Variants in ZNF226 observed in about 807,000 individuals in gnomAD.
The protein encoded by ZNF226 is Kruppel-associated box protein.
ZNF226 carries 6 observed loss-of-function variants against 11.4 expected under a neutral mutation model. The observed-to-expected ratio is 0.53, with a 90% confidence interval of 0.29 to 1.04. The LOEUF (loss-of-function observed/expected upper bound fraction) is 1.04, where lower values mean the gene tolerates loss of function less well. Ranked by LOEUF, ZNF226 falls within the 50% of genes least tolerant of loss-of-function variation. The pLI is 0.08. For synonymous variants in ZNF226, 350 were observed against 322.8 expected, an observed-to-expected ratio of 1.08 and a Z score of -0.90; for missense variants, 1,058 against 956.5, an observed-to-expected ratio of 1.11 and a Z score of -1.40.
downstream of ZNF226, chr19:44,177,854 G>C (rs965323182): frequency 2.1e-5 from 15 of 704,238 alleles, no homozygotes; most frequent in Non-Finnish European, 3.0e-5. Context: ...CTTAGAAGAG[G>C]GGTGTTAAGA....
chr19:44,186,708 T>C, the ZNF226 span, among the ~76,000 whole-genome samples: 11 of 152,042 alleles, frequency 7.2e-5, no homozygotes, highest in African/African-American at 2.7e-4. Flanking sequence ...GGCTAGAATA[T>C]CCAGTACTAT....
intron 3 of ZNF226, among the ~76,000 whole-genome samples, chr19:44,171,554 C>T (rs1031020476): frequency 3.9e-5 from 6 of 152,102 alleles, no homozygotes; most frequent in Non-Finnish European, 1.5e-5. Context: ...TTTGTTTTGT[C>T]TCCATTTTAA....
At position 44,176,056 on chromosome 19, in the gene ZNF226, C is replaced by T. The variant is rs1599736007; in HGVS notation, c.794C>T (p.Ser265Phe). 2 of 1,614,088 alleles carry T rather than the reference C, an allele frequency of 1.2e-6. No homozygotes were observed. Among genetic ancestry groups the T allele is most frequent in the Middle Eastern group, 1.6e-4 (1 of 6,062 alleles). Reference sequence around the variant, plus strand: ...TGTAAAAAACCCTTCAGTGATCTCTCCAGCTTTGATCTTCATCAGCAGTTA... The same window carrying T: ...TGTAAAAAACCCTTCAGTGATCTCTTCAGCTTTGATCTTCATCAGCAGTTA... ...NECKKPFSDLSSFDLHQQLQS... is the reference protein window; with the variant it reads ...NECKKPFSDLFSFDLHQQLQS... The change falls in exon 6 of 6, where the codon TCC (serine) becomes TTC (phenylalanine). Residue 265 changes from serine to phenylalanine, a missense_variant. Ser to Phe is a radical substitution (Grantham distance 155). Transcript: ENST00000337433.
Position 44,177,000 on chromosome 19 carries a change from A to G in ZNF226, c.1738A>G (p.Ile580Val), listed in dbSNP as rs746299849. The G allele has an allele frequency of 6.8e-6, 11 of 1,613,760 alleles. No individual in the cohort carries two copies. The East Asian group carries it at 1.6e-4, about 23-fold the overall frequency. ...QSSRLQIHQL[I>V]HTGEKPYKCE... The stretch of plus-strand genomic sequence containing the variant: ...CTCACGACTTCAGATTCACCAGCTG[A>G]TCCATACGGGTGAGAAACCATACAA... Residue 580 changes from isoleucine (I) to valine (V), a missense_variant, in exon 6 of 6, where the codon ATC (isoleucine) becomes GTC (valine). Coordinates refer to ENST00000337433, the MANE Select transcript of ZNF226 (RefSeq NM_001032373.2).
the ZNF226 span, among the ~76,000 whole-genome samples, chr19:44,194,186 C>G: frequency 6.6e-6 from 1 of 152,170 alleles, no homozygotes; most frequent in African/African-American, 2.4e-5. Context: ...ACTATTTTAT[C>G]CTTACATGGG....
chr19:44,194,236 AGT>A, the ZNF226 span, among the ~76,000 whole-genome samples: 1 of 152,136 alleles, frequency 6.6e-6, no homozygotes, highest in South Asian at 2.1e-4. Context: ...CATAGATGGC[AGT>A]GACGTTCCTA....
the ZNF226 span, among the ~76,000 whole-genome samples, chr19:44,198,386 A>G: frequency 1.2e-4 from 19 of 152,332 alleles, no homozygotes; most frequent in African/African-American, 4.6e-4. Context: ...AGGAGCACTG[A>G]TAGCTTTACA....
chr19:44,175,371 A>G (rs552464926), intron 5 of ZNF226, 127 bp from the exon 6 acceptor site: 142 of 1,429,476 alleles, frequency 9.9e-5, no homozygotes, highest in Non-Finnish European at 1.2e-4. Context: ...GAAACTTCAA[A>G]TGTGTCACAA....
chr19:44,167,957 G>A (rs2122261897), intron 2 of ZNF226: 1 of 152,322 alleles, frequency 6.6e-6, no homozygotes, highest in Middle Eastern at 3.4e-3. Context: ...TGGATTGGAT[G>A]CTGTGAAGAA....
downstream of ZNF226, chr19:44,177,947 A>G (rs1970842113): frequency 3.2e-6 from 1 of 311,972 alleles, no homozygotes; most frequent in African/African-American, 2.1e-5. Context: ...TAACTCCATA[A>G]AGACAGAAAC....
In ZNF226 at chr19:44,177,197, T is replaced by C; in HGVS notation, c.1935T>C (p.Cys645=). The stretch of plus-strand genomic sequence containing the variant: ...ACAGTGGAGAAAAACCATTCAAATG[T>C]GAAGAATGTGGGAAGAGTTTCGGTC... ...RVHSGEKPFK[C]EECGKSFGRS... Residue 645 remains cysteine, a synonymous_variant, in exon 6 of 6, where the codon TGT becomes TGC. Transcript: ENST00000337433. 1.2e-6 allele frequency: 2 copies of C among 1,613,802 alleles called. No homozygotes were observed. Among genetic ancestry groups the C allele is most frequent in the Admixed American group, 1.7e-5 (1 of 59,982 alleles).
At position 44,176,212 on chromosome 19, in the gene ZNF226, G is replaced by A; in HGVS notation, c.950G>A (p.Ser317Asn). The change falls in exon 6 of 6, where the codon AGT becomes AAT. Residue 317 changes from serine (S) to asparagine (N), a missense_variant. By Grantham distance (46) the Ser-to-Asn change is conservative. Transcript: ENST00000337433. Reference sequence around the variant, plus strand: ...TGTGATGAGTGTGGTAAGGAATTCAGTCAGGGCGCTCATCTACAGACCCAT... The same window carrying A: ...TGTGATGAGTGTGGTAAGGAATTCAATCAGGGCGCTCATCTACAGACCCAT... Reference protein sequence around the residue: ...LKCDECGKEFSQGAHLQTHQK... With the variant: ...LKCDECGKEFNQGAHLQTHQK... 1 of 1,614,096 alleles carries A rather than the reference G, an allele frequency of 6.2e-7. No individual in the cohort carries two copies. Among genetic ancestry groups the A allele is most frequent in the Non-Finnish European group, 8.5e-7 (1 of 1,179,988 alleles).
downstream of ZNF226, among the ~76,000 whole-genome samples, chr19:44,181,466 C>G (rs1018927513): frequency 1.3e-5 from 2 of 152,056 alleles, no homozygotes; most frequent in Non-Finnish European, 2.9e-5. Context: ...TCTATCTTAG[C>G]TTTTAGCTTG....
chr19:44,177,489 C>A lies in ZNF226; in HGVS notation c.2227C>A (p.Gln743Lys), dbSNP rs1970804410. The change falls in exon 6 of 6, where the codon CAG (glutamine) becomes AAG (lysine). Residue 743 changes from glutamine (Q) to lysine (K), a missense_variant. Coordinates refer to ENST00000337433, the MANE Select transcript of ZNF226 (RefSeq NM_001032373.2). Reference protein sequence around the residue: ...GKVFSRSSQLQSHQRVHTGEK... With the variant: ...GKVFSRSSQLKSHQRVHTGEK... The stretch of plus-strand genomic sequence containing the variant: ...AGTCTTCAGTCGGTCTTCACAACTA[C>A]AGTCTCATCAGCGAGTTCACACTGG... 1 of 1,614,176 alleles carries A rather than the reference C, an allele frequency of 6.2e-7. No individual in the cohort carries two copies. The highest frequency in any genetic ancestry group is 2.2e-5 in the East Asian group (1 of 44,884).
the ZNF226 span, among the ~76,000 whole-genome samples, chr19:44,183,780 G>A: frequency 6.6e-6 from 1 of 152,156 alleles, no homozygotes; most frequent in African/African-American, 2.4e-5. Context: ...AAATCAACAT[G>A]TCTGCTGGCA....
chr19:44,183,470 C>CA, the ZNF226 span, among the ~76,000 whole-genome samples: 60 of 151,538 alleles, frequency 4.0e-4, no homozygotes, highest in African/African-American at 1.4e-3. Context: ...TTGTATGTGC[C>CA]AAAAAAAATG....
At chr19:44,193,891 G>T in the ZNF226 span, among the ~76,000 whole-genome samples, 1 of 152,210 alleles carries the variant, frequency 6.6e-6, no homozygotes, top group Non-Finnish European at 1.5e-5. Context: ...AATTTCAAAT[G>T]TATAGCTGCC....
At position 44,169,772 on chromosome 19, in the gene ZNF226, A is replaced by G. The variant is rs1010760097; in HGVS notation, c.-46-263A>G. ...GGCCTACTGTACTTATATTGTCTCA[A>G]TTTACGCTGTACTCAAAATAAGAAT... is the stretch of plus-strand genomic sequence containing the variant. On this transcript the variant is annotated intron_variant, in intron 2 of 5. Transcript: ENST00000337433. The G allele has an allele frequency of 3.0e-5, 9 of 302,016 alleles. No individual in the cohort carries two copies. In the Admixed American group the frequency reaches 4.2e-4, roughly 14 times the overall value. 18.7% of individuals were successfully genotyped at this position (302,016 alleles called of 1,614,324 possible).
intron 5 of ZNF226, 151 bp from the exon 6 acceptor site, chr19:44,175,347 C>T (rs1344999824): frequency 7.1e-7 from 1 of 1,416,680 alleles, no homozygotes; most frequent in Non-Finnish European, 9.2e-7. Flanking sequence ...TGGTTTCTGT[C>T]AGTATGTAAA....
Sources: allele counts gnomAD v4.1 joint callset (sites outside exome capture counted in the v4.1 genomes callset), GRCh38; gene constraint gnomAD v4.1.1; transcripts MANE v1.5; gene names NCBI Gene and HGNC (gene_info 2026-07-23, HGNC 2026-07-21).